The following DRC9 variants were observed in gnomAD, a reference collection of about 807,000 sequenced individuals.
DRC9 encodes the protein dynein regulatory complex subunit 9.
the DRC9 span, among the ~76,000 whole-genome samples, chr3:197,921,661 C>T: frequency 6.6e-6 from 1 of 151,708 alleles, no homozygotes; most frequent in Non-Finnish European, 1.5e-5. Context: ...GGGGATTTCA[C>T]CTGGTTTCAT....
At chr3:197,935,439 CAA>C in the DRC9 span, among the ~76,000 whole-genome samples, 11 of 95,176 alleles carry the variant, frequency 1.2e-4, no homozygotes, top group Admixed American at 3.0e-4. Flanking sequence ...ACTCTGTCTC[CAA>C]AAAAAAAAAA....
chr3:197,896,320 G>C, the DRC9 span, among the ~76,000 whole-genome samples: 1 of 151,752 alleles, frequency 6.6e-6, no homozygotes, highest in East Asian at 1.9e-4. Context: ...TCCAGCCTGG[G>C]CAACAAGAGC....
At chr3:197,945,643 T>A in the DRC9 span, 1 of 1,582,108 alleles carries the variant, frequency 6.3e-7, no homozygotes, top group Admixed American at 1.8e-5. Context: ...TGTAGCTTCG[T>A]TACCCTCCGT....
chr3:197,942,157 A>G, the DRC9 span, among the ~76,000 whole-genome samples: 2 of 152,168 alleles, frequency 1.3e-5, no homozygotes, highest in Non-Finnish European at 2.9e-5. Context: ...AAAAAGTGAA[A>G]TGATTGCTAA....
At chr3:197,943,671 G>T in the DRC9 span, 8 of 999,650 alleles carry the variant, frequency 8.0e-6, no homozygotes, top group Non-Finnish European at 1.2e-5. Context: ...GAAGGAAAGA[G>T]AGAGAGAGAA....
At chr3:197,943,970 A>AC in the DRC9 span, 2 of 1,614,088 alleles carry the variant, frequency 1.2e-6, no homozygotes, top group Non-Finnish European at 1.7e-6. Context: ...CTTCTACGGT[A>AC]CTAGGTGGTT....
the DRC9 span, chr3:197,958,652 C>CG: frequency 6.6e-6 from 1 of 152,116 alleles, no homozygotes; most frequent in Non-Finnish European, 1.5e-5. Context: ...CTGAGCAAAG[C>CG]GGGGGAAAAC....
At chr3:197,944,254 C>CTTT in the DRC9 span, among the ~76,000 whole-genome samples, 43 of 144,098 alleles carry the variant, frequency 3.0e-4, no homozygotes, top group Non-Finnish European at 3.8e-4. Context: ...ACAACTTACT[C>CTTT]TTTTTTTTTT....
the DRC9 span, among the ~76,000 whole-genome samples, chr3:197,894,851 G>T: frequency 6.6e-6 from 1 of 152,110 alleles, no homozygotes; most frequent in Admixed American, 6.5e-5. Context: ...ACTGCTTGAG[G>T]CCAGGAGTTT....
At chr3:197,932,540 C>G in the DRC9 span, among the ~76,000 whole-genome samples, 1 of 151,636 alleles carries the variant, frequency 6.6e-6, no homozygotes, top group Non-Finnish European at 1.5e-5. Flanking sequence ...AAGGCTGAGG[C>G]AGGAGAATTG....
chr3:197,924,761 G>A, the DRC9 span, among the ~76,000 whole-genome samples: 2 of 152,094 alleles, frequency 1.3e-5, no homozygotes, highest in African/African-American at 4.8e-5. Context: ...CTCGTGATCC[G>A]CCCGTCTTGG....
chr3:197,939,291 GA>G, the DRC9 span, among the ~76,000 whole-genome samples: 1 of 152,176 alleles, frequency 6.6e-6, no homozygotes, highest in Non-Finnish European at 1.5e-5. Context: ...ATATGAACTT[GA>G]AATACAAATA....
At chr3:197,920,417 C>T in the DRC9 span, among the ~76,000 whole-genome samples, 1 of 144,192 alleles carries the variant, frequency 6.9e-6, no homozygotes, top group East Asian at 2.0e-4. Context: ...GAGAACCCCC[C>T]CATCTCAATT....
chr3:197,953,713 T>A, the DRC9 span: 1 of 482,694 alleles, frequency 2.1e-6, no homozygotes, highest in Admixed American at 3.3e-5. Context: ...CCTTTTTTGC[T>A]ATTTTTTCAA....
the DRC9 span, among the ~76,000 whole-genome samples, chr3:197,931,078 G>A: frequency 6.6e-6 from 1 of 151,686 alleles, no homozygotes; most frequent in African/African-American, 2.4e-5. Context: ...AGAGTTGGAA[G>A]ACAAAGTTAA....
chr3:197,940,049 A>G, the DRC9 span, among the ~76,000 whole-genome samples: 1 of 152,168 alleles, frequency 6.6e-6, no homozygotes, highest in Non-Finnish European at 1.5e-5. Context: ...GCTGGATTAT[A>G]GTGGCACCAT....
chr3:197,891,148 G>A, the DRC9 span, among the ~76,000 whole-genome samples: 4 of 152,188 alleles, frequency 2.6e-5, no homozygotes, highest in East Asian at 7.7e-4. Flanking sequence ...ATTCTGTCAA[G>A]AGCTGGTTTT....
the DRC9 span, chr3:197,950,212 T>C: frequency 8.1e-7 from 1 of 1,231,494 alleles, no homozygotes; most frequent in Admixed American, 4.2e-5. Flanking sequence ...CCATCTTGGC[T>C]CCTGTGGAGG....
chr3:197,946,377 G>A, the DRC9 span, among the ~76,000 whole-genome samples: 1 of 149,078 alleles, frequency 6.7e-6, no homozygotes, highest in Non-Finnish European at 1.5e-5. Flanking sequence ...AGAGCTTGCA[G>A]TGAGCCGAGA....
Sources: gnomAD v4.1 joint callset for allele counts (sites outside exome capture counted in the v4.1 genomes callset) on GRCh38, gnomAD v4.1.1 for gene constraint, MANE v1.5 for transcripts, NCBI Gene and HGNC (gene_info 2026-07-23, HGNC 2026-07-21) for gene names.